Variants in MDGA2 observed in about 807,000 individuals in gnomAD.
MDGA2 encodes MAM domain-containing glycosylphosphatidylinositol anchor protein 2.
Under a neutral mutation model 117.8 loss-of-function variants are expected in MDGA2, and 40 were observed. The ratio of observed to expected loss-of-function variants is 0.34; its 90% confidence interval spans 0.26 to 0.44. MDGA2 has a LOEUF of 0.44. Ranked by LOEUF, MDGA2 falls within the 20% of genes least tolerant of loss-of-function variation. The pLI is 1.00. For missense variants in MDGA2, 1,123 were observed against 1,250.6 expected (o/e 0.90, Z 1.54); for synonymous variants, 452 against 439.0 (o/e 1.03, Z -0.37).
intron 8 of MDGA2, among the ~76,000 whole-genome samples, chr14:46,974,568 C>A (rs948862660): frequency 6.6e-6 from 1 of 151,962 alleles, no homozygotes; most frequent in Non-Finnish European, 1.5e-5. Context: ...CCAGAAGTAC[C>A]CCTTGCATAT....
At chr14:47,265,670 G>C (rs561073658) in intron 2 of MDGA2, among the ~76,000 whole-genome samples, 35 of 151,372 alleles carry the variant, frequency 2.3e-4, no homozygotes, top group South Asian at 1.3e-3. Flanking sequence ...GCTTATCATA[G>C]GATAAAATTA....
chr14:47,244,938 AG>A (rs1887189215), intron 2 of MDGA2, among the ~76,000 whole-genome samples: 1 of 151,866 alleles, frequency 6.6e-6, no homozygotes, highest in Non-Finnish European at 1.5e-5. Flanking sequence ...GAGAAAACAA[AG>A]ATAAAGACCA....
chr14:47,303,291 G>A (rs1230796691), intron 1 of MDGA2, among the ~76,000 whole-genome samples: 1 of 152,032 alleles, frequency 6.6e-6, no homozygotes, highest in Non-Finnish European at 1.5e-5. Flanking sequence ...TCTTTTTAAA[G>A]TAACTAAACT....
chr14:46,973,578 A>T (rs549129163), intron 8 of MDGA2, among the ~76,000 whole-genome samples: 2 of 152,006 alleles, frequency 1.3e-5, no homozygotes, highest in South Asian at 2.1e-4. Context: ...GCTTTGAAAT[A>T]AAAAAAATGA....
At chr14:47,659,401 T>C (rs1327341985) in intron 1 of MDGA2, among the ~76,000 whole-genome samples, 2 of 152,184 alleles carry the variant, frequency 1.3e-5, no homozygotes, top group Non-Finnish European at 2.9e-5. Context: ...AAGCAGTCAA[T>C]AGTTAAGCCG....
chr14:47,563,381 T>C (rs1264878709), intron 1 of MDGA2, among the ~76,000 whole-genome samples: 3 of 152,150 alleles, frequency 2.0e-5, no homozygotes, highest in East Asian at 1.9e-4. Flanking sequence ...AGTATCTTCA[T>C]AGGTTTCTAA....
chr14:47,102,351 T>C (rs72678489), intron 5 of MDGA2, among the ~76,000 whole-genome samples: 5,978 of 144,346 alleles, frequency 0.041, 160 homozygotes, highest in East Asian at 0.16. Flanking sequence ...ACAGAGAAGA[T>C]TGTGAGGAAG....
chr14:47,427,012 T>G (rs894452692), intron 1 of MDGA2, among the ~76,000 whole-genome samples: 1 of 152,026 alleles, frequency 6.6e-6, no homozygotes, highest in Non-Finnish European at 1.5e-5. Context: ...TAATTTCAGG[T>G]GATTTTTACA....
intron 7 of MDGA2, among the ~76,000 whole-genome samples, chr14:47,054,557 C>A (rs983447911): frequency 4.0e-5 from 6 of 149,230 alleles, no homozygotes; most frequent in African/African-American, 7.4e-5. Context: ...TGAGTGAGAA[C>A]ATGAGGTGTT....
chr14:47,243,069 G>A (rs1365118867), intron 2 of MDGA2, among the ~76,000 whole-genome samples: 1 of 151,134 alleles, frequency 6.6e-6, no homozygotes, highest in Non-Finnish European at 1.5e-5. Flanking sequence ...CTAGCTCAAG[G>A]ATTATAAATA....
chr14:47,296,106 T>C (rs1448027029), intron 2 of MDGA2, among the ~76,000 whole-genome samples: 1 of 152,106 alleles, frequency 6.6e-6, no homozygotes, highest in East Asian at 1.9e-4. Context: ...ATTGACCATC[T>C]TGTTTGTATA....
At chr14:47,542,021 C>T (rs1459603782) in intron 1 of MDGA2, among the ~76,000 whole-genome samples, 2 of 152,014 alleles carry the variant, frequency 1.3e-5, no homozygotes, top group African/African-American at 4.8e-5. Flanking sequence ...CTTCGTCTAA[C>T]ACAAAAGGGA....
intron 2 of MDGA2, among the ~76,000 whole-genome samples, chr14:47,277,137 C>T (rs1444946607): frequency 6.6e-6 from 1 of 152,148 alleles, no homozygotes; most frequent in Non-Finnish European, 1.5e-5. Flanking sequence ...TTTGCCTGAG[C>T]TCACACCCTT....
chr14:47,297,566 TG>T (rs1452439370), intron 2 of MDGA2, among the ~76,000 whole-genome samples: 1 of 151,764 alleles, frequency 6.6e-6, no homozygotes, highest in African/African-American at 2.4e-5. Flanking sequence ...AAAGGGTAGC[TG>T]AATCCTGAAG....
intron 10 of MDGA2, among the ~76,000 whole-genome samples, chr14:46,908,592 G>A (rs1249716569): frequency 6.6e-6 from 1 of 152,006 alleles, no homozygotes; most frequent in Admixed American, 6.6e-5. Flanking sequence ...CTTATAAACT[G>A]TCCATAGGTT....
At chr14:46,875,625 GT>G (rs1156840525) in intron 12 of MDGA2, among the ~76,000 whole-genome samples, 3 of 151,626 alleles carry the variant, frequency 2.0e-5, no homozygotes, top group Non-Finnish European at 4.4e-5. Flanking sequence ...AATAATGTTG[GT>G]AACAGCAGTG....
chr14:47,217,903 T>C (rs1886156027), intron 3 of MDGA2, 118 bp downstream of exon 3: 3 of 771,794 alleles, frequency 3.9e-6, no homozygotes, highest in South Asian at 3.3e-5. Context: ...ATCATTATTT[T>C]ACACAGTTTT....
At chr14:47,434,963 C>A (rs1892868658) in intron 1 of MDGA2, among the ~76,000 whole-genome samples, 1 of 152,116 alleles carries the variant, frequency 6.6e-6, no homozygotes, top group African/African-American at 2.4e-5. Context: ...TGGGGAAAAC[C>A]TGTCTGTACT....
chr14:46,957,671 G>C, intron 8 of MDGA2, 28 bp from the exon 9 acceptor site: 1 of 1,610,960 alleles, frequency 6.2e-7, no homozygotes, highest in South Asian at 1.1e-5. Context: ...AAAAACAGAT[G>C]AAAGATGTGA....
Sources: allele counts gnomAD v4.1 joint callset (sites outside exome capture counted in the v4.1 genomes callset), GRCh38; gene constraint gnomAD v4.1.1; transcripts MANE v1.5; gene names NCBI Gene and HGNC (gene_info 2026-07-23, HGNC 2026-07-21).